The following PPP2R2A variants were observed in gnomAD, a reference collection of about 807,000 sequenced individuals.
The protein encoded by PPP2R2A is serine/threonine-protein phosphatase 2A 55 kDa regulatory subunit B alpha isoform.
PPP2R2A carries 9 observed loss-of-function variants against 53.2 expected under a neutral mutation model. That is an observed-to-expected ratio of 0.17 (90% CI 0.10 to 0.30). The LOEUF (loss-of-function observed/expected upper bound fraction) is 0.30, where lower values mean the gene tolerates loss of function less well. PPP2R2A is among the 10% of genes least tolerant of loss of function. The probability of loss-of-function intolerance (pLI) is 1.00; values close to 1 mark genes in which losing one functional copy is unlikely to be tolerated. For missense variants in PPP2R2A, 235 were observed against 534.6 expected (o/e 0.44, Z 5.53); for synonymous variants, 169 against 174.2 (o/e 0.97, Z 0.23).
intron 2 of PPP2R2A, among the ~76,000 whole-genome samples, chr8:26,310,399 T>C (rs1464976030): frequency 6.7e-6 from 1 of 150,330 alleles, no homozygotes; most frequent in East Asian, 2.0e-4. Context: ...CAGCATATAG[T>C]TCTTTTTCCA....
chr8:26,296,050 G>A lies in PPP2R2A; in HGVS notation c.82+2310G>A, dbSNP rs1238011339. ...CCGTCTACATGCAGTCAGCTGCCAG[G>A]GCATACCATTTTTACTCTGTAATGC... On this transcript the variant is annotated intron_variant, in intron 2 of 9. Transcript: ENST00000380737. Among the ~76,000 whole-genome samples, 4 of 151,976 alleles carry A rather than the reference G, an allele frequency of 2.6e-5. No homozygotes were observed. The East Asian group carries it at 5.8e-4, about 22-fold the overall frequency.
chr8:26,329,645 T>G (rs1227996045), intron 2 of PPP2R2A, among the ~76,000 whole-genome samples: 3 of 152,184 alleles, frequency 2.0e-5, no homozygotes, highest in Non-Finnish European at 4.4e-5. Flanking sequence ...AGAAAAATTG[T>G]TCGATGGTCT....
At chr8:26,346,381 T>A (rs939231732) in intron 3 of PPP2R2A, among the ~76,000 whole-genome samples, 1 of 152,180 alleles carries the variant, frequency 6.6e-6, no homozygotes. Flanking sequence ...CCTCAAGTTA[T>A]CTGCCCACTT....
chr8:26,306,704 T>C (rs1453112140), intron 2 of PPP2R2A, among the ~76,000 whole-genome samples: 3 of 152,036 alleles, frequency 2.0e-5, no homozygotes, highest in African/African-American at 7.3e-5. Flanking sequence ...TTGGGCTTTA[T>C]TAGATGATGC....
At chr8:26,329,315 A>G (rs1031874505) in intron 2 of PPP2R2A, among the ~76,000 whole-genome samples, 9 of 152,118 alleles carry the variant, frequency 5.9e-5, no homozygotes, top group African/African-American at 1.9e-4. Context: ...TTTGTCATTT[A>G]TATTTTTTAG....
chr8:26,291,549 T>TGCC lies in PPP2R2A; in HGVS notation c.-268_-266dup. 1 of 437,120 alleles carries TGCC rather than the reference T, an allele frequency of 2.3e-6. No individual in the cohort carries two copies. The highest frequency in any genetic ancestry group is 4.2e-6 in the Non-Finnish European group (1 of 240,684). The allele number at this position is 437,120 out of a possible 1,614,324, so 27.1% of individuals were successfully genotyped here. ...TTTTGAAAGTGGAGTCGCCTGCCCC[T>TGCC]GCCGCTGCCGCCGCCGCCGTCGCTG... On this transcript the variant is annotated 5_prime_UTR_variant, in exon 1 of 10. Coordinates refer to ENST00000380737, the MANE Select transcript of PPP2R2A (RefSeq NM_002717.4).
intron 3 of PPP2R2A, among the ~76,000 whole-genome samples, chr8:26,339,623 T>G (rs951739866): frequency 6.6e-6 from 1 of 152,166 alleles, no homozygotes; most frequent in Admixed American, 6.5e-5. Flanking sequence ...GATTTCTCAC[T>G]AAAAATTTTT....
At chr8:26,359,620 T>C (rs1442263934) in intron 4 of PPP2R2A, among the ~76,000 whole-genome samples, 3 of 144,284 alleles carry the variant, frequency 2.1e-5, no homozygotes, top group African/African-American at 7.7e-5. Flanking sequence ...GTTTCCTACT[T>C]GTGAACCCTG....
Position 26,300,724 on chromosome 8 carries a change from C to T in PPP2R2A, c.82+6984C>T, listed in dbSNP as rs192884125. On this transcript the variant is annotated intron_variant, in intron 2 of 9. Transcript: ENST00000380737. The stretch of plus-strand genomic sequence containing the variant: ...CAAAAATTAGCCGGGTGTGGTGGTG[C>T]GCGCCTGTTGTCCCAGCTACTCAGG... 9.7e-4 allele frequency among the ~76,000 whole-genome samples: 148 copies of T among 152,144 alleles called. 2 individuals carry two copies. The highest frequency in any genetic ancestry group is 1.6e-3 in the Non-Finnish European group (109 of 67,972).
chr8:26,341,662 C>G (rs1803948874), intron 3 of PPP2R2A, among the ~76,000 whole-genome samples: 2 of 152,172 alleles, frequency 1.3e-5, no homozygotes, highest in South Asian at 4.1e-4. Flanking sequence ...CCTAATGTTT[C>G]TTAGACTCTG....
At chr8:26,344,201 A>G (rs1420976745) in intron 3 of PPP2R2A, among the ~76,000 whole-genome samples, 1 of 152,190 alleles carries the variant, frequency 6.6e-6, no homozygotes, top group Non-Finnish European at 1.5e-5. Context: ...ATCTTACTTA[A>G]TCATCACAGC....
At chr8:26,341,134 TTAG>T (rs1055854819) in intron 3 of PPP2R2A, among the ~76,000 whole-genome samples, 151 of 152,290 alleles carry the variant, frequency 9.9e-4, no homozygotes, top group African/African-American at 3.5e-3. Flanking sequence ...TGAGAATTAC[TTAG>T]TGGTGTAAAT....
intron 2 of PPP2R2A, among the ~76,000 whole-genome samples, chr8:26,299,390 A>G (rs1801683630): frequency 6.6e-6 from 1 of 152,210 alleles, no homozygotes; most frequent in Admixed American, 6.5e-5. Flanking sequence ...CCTCATCTGC[A>G]TATTTGATAG....
Position 26,362,133 on chromosome 8 carries a change from A to G in PPP2R2A, c.638-551A>G, listed in dbSNP as rs1805134397. 6.6e-6 allele frequency among the ~76,000 whole-genome samples: 1 copy of G among 151,576 alleles called. No homozygotes were observed. Among genetic ancestry groups the G allele is most frequent in the South Asian group, 2.1e-4 (1 of 4,816 alleles). Reference sequence around the variant, plus strand: ...ATTAGAAAAAGAAAGATTAAAGATTACGATTAGATTAAGATTAGAAAAAGA... The same window carrying G: ...ATTAGAAAAAGAAAGATTAAAGATTGCGATTAGATTAAGATTAGAAAAAGA... On this transcript the variant is annotated intron_variant, in intron 6 of 9. Coordinates refer to ENST00000380737, the MANE Select transcript of PPP2R2A (RefSeq NM_002717.4). This position sits in a 1 kb window ranked among gnomAD's most constrained non-coding sequence, Gnocchi z 4.4.
At chr8:26,326,111 A>G (rs567536347) in intron 2 of PPP2R2A, among the ~76,000 whole-genome samples, 3 of 152,364 alleles carry the variant, frequency 2.0e-5, no homozygotes, top group Non-Finnish European at 4.4e-5. Flanking sequence ...TGCTGGGATT[A>G]TAGGTGTGAG....
At chr8:26,348,910 T>C (rs1280549821) in intron 3 of PPP2R2A, among the ~76,000 whole-genome samples, 1 of 152,230 alleles carries the variant, frequency 6.6e-6, no homozygotes, top group Non-Finnish European at 1.5e-5. Context: ...ATGAGACTCA[T>C]GTTGTACATA....
chr8:26,369,121 T>TTA (rs1805535938), intron 9 of PPP2R2A, among the ~76,000 whole-genome samples: 1 of 149,046 alleles, frequency 6.7e-6, no homozygotes, highest in South Asian at 2.1e-4. Context: ...AAAAAAAAAA[T>TTA]TATACACACA....
chr8:26,318,675 C>T (rs1000757716), intron 2 of PPP2R2A, among the ~76,000 whole-genome samples: 9 of 152,186 alleles, frequency 5.9e-5, no homozygotes, highest in Non-Finnish European at 1.2e-4. Flanking sequence ...TTCCCTCATT[C>T]TATATTTATG....
intron 2 of PPP2R2A, among the ~76,000 whole-genome samples, chr8:26,313,881 AAG>A (rs1802412016): frequency 6.6e-6 from 1 of 152,220 alleles, no homozygotes; most frequent in Non-Finnish European, 1.5e-5. Flanking sequence ...CTTTAACTGT[AAG>A]AGAAAAAAAT....
Sources: allele counts gnomAD v4.1 joint callset (sites outside exome capture counted in the v4.1 genomes callset), GRCh38; gene constraint gnomAD v4.1.1; non-coding constraint Gnocchi (gnomAD v3.1); transcripts MANE v1.5; gene names NCBI Gene and HGNC (gene_info 2026-07-23, HGNC 2026-07-21).